The following TFR2 variants were observed in gnomAD, a reference collection of about 807,000 sequenced individuals.
TFR2 encodes the protein transferrin receptor protein 2.
Under a neutral mutation model 91.9 loss-of-function variants are expected in TFR2, and 64 were observed. That is an observed-to-expected ratio of 0.70 (90% confidence interval 0.57 to 0.86). TFR2 has a LOEUF of 0.86. Ranked by LOEUF, TFR2 falls within the 40% of genes least tolerant of loss-of-function variation. The pLI, the probability that TFR2 is intolerant of heterozygous loss-of-function variation, is 0.00. For missense variants in TFR2, 950 were observed against 1,080.5 expected (o/e 0.88, Z 1.69); for synonymous variants, 454 against 459.6 (o/e 0.99, Z 0.15).
In TFR2 at chr7:100,641,028, T is replaced by A; in HGVS notation, c.234A>T (p.Gly78=). The A allele has an allele frequency of 6.2e-7, 1 of 1,602,292 alleles. No homozygotes were observed. Among genetic ancestry groups the A allele is most frequent in the Non-Finnish European group, 8.5e-7 (1 of 1,173,372 alleles). The stretch of plus-strand genomic sequence containing the variant: ...GGACCAGGTAGGGGGCAGCCCTCCG[T>A]CCTGCTGCCGCCCAGGGAATGAGGT... ...QPNLIPWAAA[G]RRAAPYLVLT... is the part of the protein sequence containing the mutation. Residue 78 remains glycine, a synonymous_variant, in exon 2 of 18, where the codon GGA becomes GGT. Coordinates refer to ENST00000223051, the MANE Select transcript of TFR2 (RefSeq NM_003227.4).
intron 10 of TFR2, 138 bp downstream of exon 10, chr7:100,629,115 A>C: frequency 8.7e-7 from 1 of 1,154,930 alleles, no homozygotes; most frequent in Admixed American, 1.7e-5. Context: ...GCCCAGGGCC[A>C]CTCAGGTACA....
intron 10 of TFR2, 32 bp from the exon 11 acceptor site, chr7:100,628,338 G>T (rs760013513): frequency 3.7e-6 from 6 of 1,608,356 alleles, no homozygotes; most frequent in Non-Finnish European, 5.1e-6. Context: ...GACAGGCTTA[G>T]CAGGGGCCAA....
intron 3 of TFR2, among the ~76,000 whole-genome samples, chr7:100,638,113 C>T (rs1035840131): frequency 6.6e-6 from 1 of 152,090 alleles, no homozygotes; most frequent in African/African-American, 2.4e-5. Context: ...ATGCCATTCT[C>T]CTGCCTCAGC....
chr7:100,640,745 G>T lies in TFR2; in HGVS notation c.414C>A (p.Ser138Arg), dbSNP rs781487547. ...ACTGCAGGAACATGGCCTGGAGGTC[G>T]CTCCAGTAGAGTCTGCCCTGGTGGA... ...LDFHQGRLYW[S>R]DLQAMFLQFL... Residue 138 changes from serine to arginine, a missense_variant, in exon 3 of 18, where the codon AGC (serine) becomes AGA (arginine). By Grantham distance (110) the Ser-to-Arg change is moderately radical. Transcript: ENST00000223051. The T allele has an allele frequency of 1.2e-6, 2 of 1,613,886 alleles. No homozygotes were observed. Among genetic ancestry groups the T allele is most frequent in the South Asian group, 1.1e-5 (1 of 91,070 alleles).
Position 100,633,068 on chromosome 7 carries a change from G to T in TFR2, c.782C>A (p.Ala261Asp). 1 of 1,613,636 alleles carries T rather than the reference G, an allele frequency of 6.2e-7. No individual in the cohort carries two copies. Among genetic ancestry groups the T allele is most frequent in the Non-Finnish European group, 8.5e-7 (1 of 1,179,986 alleles). Residue 261 changes from alanine to aspartate, a missense_variant, in exon 6 of 18, where the codon GCC (alanine) becomes GAC (aspartate). Ala to Asp is a moderately radical substitution (Grantham distance 126, BLOSUM62 -2). Coordinates refer to ENST00000223051, the MANE Select transcript of TFR2 (RefSeq NM_003227.4). ...GCGGCCCACTGGATCCACGCCCCTG[G>T]CCCGCAGGTCCTGCAGGTCTTCGGG... The part of the protein sequence containing the change: ...GRPEDLQDLR[A>D]RGVDPVGRLL...
chr7:100,626,871 C>T lies in TFR2; in HGVS notation c.2028G>A (p.Ser676=), dbSNP rs1156659450. The T allele has an allele frequency of 6.5e-7, 1 of 1,546,828 alleles. No individual in the cohort carries two copies. Among genetic ancestry groups the T allele is most frequent in the Admixed American group, 2.0e-5 (1 of 51,044 alleles). The part of the protein sequence containing the change: ...ARGLTLQWVY[S]ARGDYIRAAE... ...CCGCCCGGATGTAGTCCCCCCGCGCCGAGTACACCCACTGCAGGGTCAGCC... is the reference window on the plus strand; with the variant it reads ...CCGCCCGGATGTAGTCCCCCCGCGCTGAGTACACCCACTGCAGGGTCAGCC... The change falls in exon 17 of 18, where the codon TCG becomes TCA. Residue 676 remains serine, a synonymous_variant. Coordinates refer to ENST00000223051, the MANE Select transcript of TFR2 (RefSeq NM_003227.4).
chr7:100,626,830 T>G lies in TFR2; in HGVS notation c.2069A>C (p.Gln690Pro), dbSNP rs80338889. The change falls in exon 17 of 18, where the codon CAG (glutamine) becomes CCG (proline). Residue 690 changes from glutamine to proline, a missense_variant. Gln to Pro is a moderately conservative substitution (Grantham distance 76, BLOSUM62 -1). Transcript: ENST00000223051. ...TCTCTCCTCCGAGCTGTAGATCTCC[T>G]GCCGCAGCTTTTCCGCCGCCCGGAT... Reference protein sequence around the residue: ...DYIRAAEKLRQEIYSSEERDE... With the variant: ...DYIRAAEKLRPEIYSSEERDE... The G allele has an allele frequency of 3.9e-6, 6 of 1,549,668 alleles. No individual in the cohort carries two copies. Among genetic ancestry groups the G allele is most frequent in the South Asian group, 3.6e-5 (3 of 84,060 alleles).
Position 100,632,450 on chromosome 7 carries a change from C to A in TFR2, c.850-252G>T, listed in dbSNP as rs10267327. On this transcript the variant is annotated intron_variant, in intron 6 of 17. Transcript: ENST00000223051. ...TTTCCCCCAACACCCAATTTGTTCC[C>A]AGCCAACATTTTCTTTTTTCCTTCT... Among the ~76,000 whole-genome samples the A allele has an allele frequency of 6.4e-3, 970 of 152,104 alleles. 12 individuals are homozygous for A. The highest frequency in any genetic ancestry group is 0.022 in the African/African-American group (896 of 41,484).
intron 17 of TFR2, chr7:100,626,516 G>A (rs1803254643): frequency 2.9e-6 from 4 of 1,361,444 alleles, no homozygotes; most frequent in Non-Finnish European, 3.8e-6. Flanking sequence ...TCTGCCAGGC[G>A]TAAACCAGGC....
In TFR2 at chr7:100,627,777, A is replaced by G. The variant is rs1803309500; in HGVS notation, c.1649T>C (p.Val550Ala). The change falls in exon 14 of 18, where the codon GTG (valine) becomes GCG (alanine). Residue 550 changes from valine to alanine, a missense_variant. Val to Ala is a moderately conservative substitution (Grantham distance 64, BLOSUM62 0). Transcript: ENST00000223051. ...ATCCCAGCTGGGATTGGTGAACACC[A>G]CCTGTTCATAGAGAGTCTGCCCACT... Reference protein sequence around the residue: ...NHSGQTLYEQVVFTNPSWDAE... With the variant: ...NHSGQTLYEQAVFTNPSWDAE... 1 of 1,612,678 alleles carries G rather than the reference A, an allele frequency of 6.2e-7. No individual in the cohort carries two copies. Among genetic ancestry groups the G allele is most frequent in the Non-Finnish European group, 8.5e-7 (1 of 1,179,666 alleles).
At chr7:100,629,403 G>C (rs1431664801) in intron 9 of TFR2, 31 bp from the exon 10 acceptor site, 2 of 1,612,790 alleles carry the variant, frequency 1.2e-6, no homozygotes, top group Non-Finnish European at 1.7e-6. Flanking sequence ...ACCCACTTCT[G>C]ACACTGCACC....
At position 100,631,036 on chromosome 7, in the gene TFR2, C is replaced by T; in HGVS notation, c.1123G>A (p.Val375Met). 1 of 1,592,612 alleles carries T rather than the reference C, an allele frequency of 6.3e-7. No homozygotes were observed. Among genetic ancestry groups the T allele is most frequent in the African/African-American group, 1.4e-5 (1 of 73,848 alleles). ...SRLLRKLKGP[V>M]APQEWQGSLL... is the part of the protein sequence containing the mutation. ...CTCCCCTGCCATTCTTGGGGGGCCA[C>T]AGGGCCTTTGAGCTTCCTGGAGAGG... The change falls in exon 9 of 18, where the codon GTG (valine) becomes ATG (methionine). Residue 375 changes from valine (V) to methionine (M), a missense_variant. By Grantham distance (21) the Val-to-Met change is conservative (BLOSUM62 1). Coordinates refer to ENST00000223051, the MANE Select transcript of TFR2 (RefSeq NM_003227.4).
chr7:100,622,225 A>G (rs140077606), intron 17 of TFR2, among the ~76,000 whole-genome samples: 319 of 152,240 alleles, frequency 2.1e-3, no homozygotes, highest in African/African-American at 7.0e-3. Context: ...TAAGGCCTCC[A>G]TCATTCACTC....
At chr7:100,633,608 A>G in intron 3 of TFR2, 52 bp from the exon 4 acceptor site, 4 of 1,553,046 alleles carry the variant, frequency 2.6e-6, no homozygotes, top group Non-Finnish European at 3.5e-6. Flanking sequence ...AGAGGGAGGG[A>G]AGAGGGAAGG....
chr7:100,631,965 C>T lies in TFR2; in HGVS notation c.967-20G>A. ...GTGCACCTGCAGGGAAAGGGGTGCC[C>T]ACGCAAAGCTGCGAGCTGGGCTTCC... On this transcript the variant is annotated intron_variant, in intron 7 of 17. Coordinates refer to ENST00000223051, the MANE Select transcript of TFR2 (RefSeq NM_003227.4). The T allele has an allele frequency of 6.2e-7, 1 of 1,613,994 alleles. No individual in the cohort carries two copies. The highest frequency in any genetic ancestry group is 8.5e-7 in the Non-Finnish European group (1 of 1,179,968).
chr7:100,640,537 C>T, intron 3 of TFR2, 149 bp downstream of exon 3: 2 of 855,732 alleles, frequency 2.3e-6, no homozygotes, highest in Non-Finnish European at 3.6e-6. Flanking sequence ...CTTCCCAGGA[C>T]CGCTGAACAG....
chr7:100,634,607 G>A (rs899587679), intron 3 of TFR2, among the ~76,000 whole-genome samples: 4 of 152,178 alleles, frequency 2.6e-5, no homozygotes, highest in Non-Finnish European at 4.4e-5. Flanking sequence ...AGGGGAGTGG[G>A]GAGGATCACT....
In TFR2 at chr7:100,633,483, G is replaced by T. The variant is rs1404629457; in HGVS notation, c.547C>A (p.Leu183Ile). The change falls in exon 4 of 18, where the codon CTC becomes ATC. Residue 183 changes from leucine (L) to isoleucine (I), a missense_variant. Transcript: ENST00000223051. ...ACGTGGTCCAGCTTCTGGCGGGAGA[G>T]CGCCGCGCGAATGTCCTGAGTCAGA... Reference protein sequence around the residue: ...AALTQDIRAALSRQKLDHVWT... With the variant: ...AALTQDIRAAISRQKLDHVWT... The T allele has an allele frequency of 6.2e-7, 1 of 1,612,170 alleles. No individual in the cohort carries two copies. Among genetic ancestry groups the T allele is most frequent in the Non-Finnish European group, 8.5e-7 (1 of 1,179,916 alleles).
intron 9 of TFR2, among the ~76,000 whole-genome samples, 167 bp from the exon 10 acceptor site, chr7:100,629,539 G>A (rs1020333883): frequency 1.3e-5 from 2 of 152,110 alleles, no homozygotes; most frequent in Admixed American, 6.6e-5. Flanking sequence ...CTTCCTGGAT[G>A]GTGTGCTCCT....
Sources: gnomAD v4.1 joint callset for allele counts (sites outside exome capture counted in the v4.1 genomes callset) on GRCh38, gnomAD v4.1.1 for gene constraint, MANE v1.5 for transcripts, NCBI Gene and HGNC (gene_info 2026-07-23, HGNC 2026-07-21) for gene names.